CDHR3: variants seen among roughly 807,000 people sequenced by gnomAD.
CDHR3 encodes the protein cadherin-related family member 3.
A neutral mutation model predicts 86.6 loss-of-function variants in CDHR3; 79 were observed. That is an observed-to-expected ratio of 0.91 (90% CI 0.76 to 1.10). CDHR3 has a LOEUF of 1.10. Ranked by LOEUF, CDHR3 falls within the 50% of genes least tolerant of loss-of-function variation. CDHR3 has a pLI of 0.00. For synonymous variants in CDHR3, 421 were observed against 402.4 expected (o/e 1.05, Z -0.55); for missense variants, 1,081 against 1,077.6 (o/e 1.00, Z -0.04).
intron 3 of CDHR3, among the ~76,000 whole-genome samples, chr7:105,983,306 A>C (rs1294303729): frequency 6.6e-6 from 1 of 152,200 alleles, no homozygotes; most frequent in Non-Finnish European, 1.5e-5. Context: ...ATGAAAGCTC[A>C]AGCTCAGATG....
Position 106,032,587 on chromosome 7 carries a change from G to C in CDHR3, c.2548G>C (p.Glu850Gln). 6.2e-7 allele frequency: 1 copy of C among 1,614,006 alleles called. No homozygotes were observed. The highest frequency in any genetic ancestry group is 8.5e-7 in the Non-Finnish European group (1 of 1,179,904). The stretch of plus-strand genomic sequence containing the variant: ...TGAGCTGAGTGGCAAAGCGTGGGCT[G>C]AGGATGCTGGTCTGGGTTCCAGAAA... The part of the protein sequence containing the change: ...EDELSGKAWA[E>Q]DAGLGSRNEG... Residue 850 changes from glutamate to glutamine, a missense_variant, in exon 19 of 19, where the codon GAG becomes CAG. Coordinates refer to ENST00000317716, the MANE Select transcript of CDHR3 (RefSeq NM_152750.5).
intron 15 of CDHR3, 97 bp from the exon 16 acceptor site, chr7:106,026,585 A>G (rs1837371674): frequency 1.5e-6 from 2 of 1,291,464 alleles, no homozygotes; most frequent in African/African-American, 1.5e-5. Flanking sequence ...CCTGTATCTC[A>G]AAGGGCATAG....
rs1563300807 is a variant in CDHR3, at chr7:106,022,207, A to G, written c.1835A>G (p.Asn612Ser). The G allele has an allele frequency of 1.2e-6, 2 of 1,614,002 alleles. No homozygotes were observed. The highest frequency in any genetic ancestry group is 1.7e-6 in the Non-Finnish European group (2 of 1,179,886). The change falls in exon 14 of 19, where the codon AAC becomes AGC. Residue 612 changes from asparagine (N) to serine (S), a missense_variant. Transcript: ENST00000317716. Reference protein sequence around the residue: ...FRYSIGPGNVNNHFTFSPNAG... With the variant: ...FRYSIGPGNVSNHFTFSPNAG... ...ATCAAATCTCATTTAGGTAACGTCA[A>G]CAATCATTTCACCTTCTCTCCCAAT...
rs570073998 is a variant in CDHR3 at position 106,036,392 on chromosome 7, A to G, written c.*3695A>G. ...CTCATTTCAAACTTAGCGTGTGTTT[A>G]TCCTTCGTATTCATTCAATAAATAT... On this transcript the variant is annotated 3_prime_UTR_variant, in exon 19 of 19. Coordinates refer to ENST00000317716, the MANE Select transcript of CDHR3 (RefSeq NM_152750.5). 6.6e-6 allele frequency: 1 copy of G among 152,340 alleles called. No homozygotes were observed. The highest frequency in any genetic ancestry group is 6.5e-5 in the Admixed American group (1 of 15,294). 9.4% of individuals were successfully genotyped at this position (152,340 alleles called of 1,614,324 possible). A position where few individuals can be genotyped will look rare whatever the true frequency, so the allele number is the denominator to read the frequency against.
At chr7:105,993,247 C>G (rs893861189) in intron 4 of CDHR3, among the ~76,000 whole-genome samples, 1 of 152,214 alleles carries the variant, frequency 6.6e-6, no homozygotes, top group African/African-American at 2.4e-5. Context: ...GAGTCTCTAG[C>G]GTTGCTGCGA....
intron 3 of CDHR3, among the ~76,000 whole-genome samples, chr7:105,983,702 CCTA>C (rs1830115334): frequency 6.6e-6 from 1 of 152,146 alleles, no homozygotes; most frequent in Non-Finnish European, 1.5e-5. Context: ...GTAGCCCTCC[CCTA>C]CTTATTCTAT....
chr7:105,995,282 C>G (rs1210042743), intron 5 of CDHR3, among the ~76,000 whole-genome samples: 2 of 152,218 alleles, frequency 1.3e-5, no homozygotes, highest in Non-Finnish European at 2.9e-5. Context: ...AGCCACTCCA[C>G]AGGTCAGTCA....
At chr7:106,032,348 T>G (rs1838504765) in intron 18 of CDHR3, 45 bp from the exon 19 acceptor site, 1 of 1,542,428 alleles carries the variant, frequency 6.5e-7, no homozygotes, top group South Asian at 1.2e-5. Context: ...AGACAGTCAT[T>G]GGAATTTTCT....
chr7:106,027,123 G>T (rs1477215014), intron 16 of CDHR3, among the ~76,000 whole-genome samples: 4 of 152,174 alleles, frequency 2.6e-5, no homozygotes, highest in Admixed American at 2.0e-4. Flanking sequence ...AAGGCTGGGC[G>T]CAGTGACTCA....
Position 106,030,614 on chromosome 7 carries a change from G to T in CDHR3, c.2305-178G>T, listed in dbSNP as rs576994388. Reference sequence around the variant, plus strand: ...TTTGTAATTGGCAAGCTTTGTACAGGCAGTGACTATGCCTGCCTTGTTCAT... The same window carrying T: ...TTTGTAATTGGCAAGCTTTGTACAGTCAGTGACTATGCCTGCCTTGTTCAT... On this transcript the variant is annotated intron_variant, in intron 17 of 18. Transcript: ENST00000317716. This position sits in a 1 kb window ranked among gnomAD's most constrained non-coding sequence, Gnocchi z 4.8. 6.6e-6 allele frequency among the ~76,000 whole-genome samples: 1 copy of T among 152,292 alleles called. No individual in the cohort carries two copies. The highest frequency in any genetic ancestry group is 2.4e-5 in the African/African-American group (1 of 41,558).
rs375383344 is a variant in CDHR3, at chr7:106,030,752, T to C, written c.2305-40T>C. On this transcript the variant is annotated intron_variant, in intron 17 of 18. Coordinates refer to ENST00000317716, the MANE Select transcript of CDHR3 (RefSeq NM_152750.5). This position sits in a 1 kb window ranked among gnomAD's most constrained non-coding sequence, Gnocchi z 4.8. ...GTGTAGCTTTGCCTGGGGGAAGGAA[T>C]GTAGGATTGTGTTTGATGCTGTCTC... 2.1e-5 allele frequency: 34 copies of C among 1,590,466 alleles called. No homozygotes were observed. The African/African-American group carries it at 3.5e-4, about 16-fold the overall frequency.
intron 9 of CDHR3, among the ~76,000 whole-genome samples, 171 bp downstream of exon 9, chr7:106,013,202 C>T (rs1484189912): frequency 1.3e-5 from 2 of 152,190 alleles, no homozygotes; most frequent in African/African-American, 2.4e-5. Flanking sequence ...TTATTTTACC[C>T]TGGTTCCAGG....
chr7:106,026,575 C>T, intron 15 of CDHR3, 107 bp from the exon 16 acceptor site: 3 of 1,155,382 alleles, frequency 2.6e-6, no homozygotes, highest in Non-Finnish European at 3.9e-6. Flanking sequence ...TCAGTCAACC[C>T]CTGTATCTCA....
At chr7:106,013,109 G>C in intron 9 of CDHR3, 78 bp downstream of exon 9, 1 of 1,367,368 alleles carries the variant, frequency 7.3e-7, no homozygotes, top group Non-Finnish European at 9.8e-7. Context: ...CTGCCCCATA[G>C]AGAGAAATTT....
At chr7:105,980,334 C>T (rs55678235) in intron 2 of CDHR3, among the ~76,000 whole-genome samples, 3,247 of 152,130 alleles carry the variant, frequency 0.021, 38 homozygotes, top group Non-Finnish European at 0.032. Context: ...CAACCTTACG[C>T]GTAATATAAG....
rs1012833092 is a variant in CDHR3 at position 106,035,233 on chromosome 7, C to T, written c.*2536C>T. 6.6e-6 allele frequency among the ~76,000 whole-genome samples: 1 copy of T among 152,174 alleles called. No individual in the cohort carries two copies. The highest frequency in any genetic ancestry group is 1.5e-5 in the Non-Finnish European group (1 of 68,036). On this transcript the variant is annotated 3_prime_UTR_variant, in exon 19 of 19. Coordinates refer to ENST00000317716, the MANE Select transcript of CDHR3 (RefSeq NM_152750.5). ...AAGAGGGACTTCCTGAAGCCTGGGG[C>T]CTCTCTGAAGAGCTCAGTGTCTTCT...
chr7:105,981,202 GAAACAGAA>G, intron 3 of CDHR3, 69 bp downstream of exon 3: 1 of 1,475,404 alleles, frequency 6.8e-7, no homozygotes, highest in African/African-American at 1.4e-5. Context: ...GGGACAGAGA[GAAACAGAA>G]AAAGTAAATA....
rs140166480 is a variant in CDHR3, at chr7:105,994,548, T to A, written c.514-203T>A. 2.6e-4 allele frequency among the ~76,000 whole-genome samples: 39 copies of A among 152,234 alleles called. No homozygotes were observed. The East Asian group carries it at 6.9e-3, about 27-fold the overall frequency. On this transcript the variant is annotated intron_variant, in intron 4 of 18. Coordinates refer to ENST00000317716, the MANE Select transcript of CDHR3 (RefSeq NM_152750.5). Reference sequence around the variant, plus strand: ...CACTCACCAGCTTTTCAGGGTGTGGTCAACCAGGGCTCAGACCAACAGAGC... The same window carrying A: ...CACTCACCAGCTTTTCAGGGTGTGGACAACCAGGGCTCAGACCAACAGAGC...
intron 1 of CDHR3, among the ~76,000 whole-genome samples, chr7:105,974,369 G>A (rs1828450523): frequency 6.6e-6 from 1 of 152,166 alleles, no homozygotes; most frequent in African/African-American, 2.4e-5. Flanking sequence ...CATGATTTTG[G>A]TGTTCTCCAG....
Sources: gnomAD v4.1 joint callset for allele counts (sites outside exome capture counted in the v4.1 genomes callset) on GRCh38, gnomAD v4.1.1 for gene constraint, Gnocchi (gnomAD v3.1) non-coding constraint, MANE v1.5 for transcripts, NCBI Gene and HGNC (gene_info 2026-07-23, HGNC 2026-07-21) for gene names.